The following TENM3 variants were observed in gnomAD, a reference collection of about 807,000 sequenced individuals.
TENM3 encodes the protein teneurin-3.
In TENM3, 63 loss-of-function variants were observed where a neutral mutation model predicts 255.1. The ratio of observed to expected loss-of-function variants is 0.25; its 90% confidence interval spans 0.20 to 0.30. The LOEUF is 0.30. Among genes scored for constraint, TENM3 ranks in the 10% least tolerant of loss-of-function variants. The pLI is 1.00. For synonymous variants in TENM3, 1,306 were observed against 1,322.3 expected (o/e 0.99, Z 0.27); for missense variants, 2,929 against 3,461.1 (o/e 0.85, Z 3.86).
At chr4:181,920,378 C>A in the TENM3 span, among the ~76,000 whole-genome samples, 2 of 151,920 alleles carry the variant, frequency 1.3e-5, no homozygotes, top group Non-Finnish European at 2.9e-5. Flanking sequence ...TATTTCTCCA[C>A]ATCCTCTCCA....
intron 3 of TENM3, among the ~76,000 whole-genome samples, chr4:182,521,531 A>T (rs1025255018): frequency 1.3e-5 from 2 of 152,220 alleles, no homozygotes; most frequent in Admixed American, 6.5e-5. Context: ...AATCTCCAGC[A>T]GGGAGATAAA....
chr4:182,614,402 AG>A, intron 4 of TENM3, among the ~76,000 whole-genome samples: 2 of 152,240 alleles, frequency 1.3e-5, no homozygotes, highest in South Asian at 4.2e-4. Context: ...TGCCTTTCCT[AG>A]AATCATCCTT....
the TENM3 span, among the ~76,000 whole-genome samples, chr4:182,051,406 C>A: frequency 7.3e-4 from 93 of 128,196 alleles, 2 homozygotes; most frequent in African/African-American, 2.6e-3. Flanking sequence ...GAGATGGAGT[C>A]TTGCTCTTTC....
At chr4:181,910,351 G>A in the TENM3 span, among the ~76,000 whole-genome samples, 1 of 151,772 alleles carries the variant, frequency 6.6e-6, no homozygotes, top group African/African-American at 2.4e-5. Context: ...CAGATCACGA[G>A]GTCAGGAGTT....
At chr4:182,661,292 C>G (rs1754207718) in intron 6 of TENM3, among the ~76,000 whole-genome samples, 1 of 145,726 alleles carries the variant, frequency 6.9e-6, no homozygotes, top group African/African-American at 2.5e-5. Context: ...GCTCCACCAC[C>G]TGGGTTCATG....
chr4:181,880,911 C>T, the TENM3 span, among the ~76,000 whole-genome samples: 1 of 152,132 alleles, frequency 6.6e-6, no homozygotes, highest in Non-Finnish European at 1.5e-5. Context: ...TAATAGAGGT[C>T]AGATCAGTTC....
chr4:182,620,971 G>A (rs1750069884), intron 4 of TENM3, among the ~76,000 whole-genome samples: 1 of 152,172 alleles, frequency 6.6e-6, no homozygotes, highest in South Asian at 2.1e-4. Flanking sequence ...CCTGAGGTCA[G>A]GAGATCGAGA....
At chr4:181,505,055 C>T in the TENM3 span, among the ~76,000 whole-genome samples, 4 of 152,278 alleles carry the variant, frequency 2.6e-5, no homozygotes, top group Admixed American at 2.0e-4. Flanking sequence ...GGCATAGCAG[C>T]GGTGCCTTGT....
At chr4:181,877,490 T>C in the TENM3 span, among the ~76,000 whole-genome samples, 2 of 152,148 alleles carry the variant, frequency 1.3e-5, no homozygotes, top group Non-Finnish European at 2.9e-5. Flanking sequence ...TTATATTTAG[T>C]TTTACCTCTT....
intron 5 of TENM3, among the ~76,000 whole-genome samples, chr4:182,649,183 C>T (rs1753032413): frequency 7.3e-6 from 1 of 136,744 alleles, no homozygotes; most frequent in Non-Finnish European, 1.7e-5. Flanking sequence ...AGACAACCAA[C>T]TTAAAAATTG....
At chr4:182,133,695 C>T in the TENM3 span, among the ~76,000 whole-genome samples, 1 of 152,088 alleles carries the variant, frequency 6.6e-6, no homozygotes, top group Admixed American at 6.6e-5. Context: ...GAATTTTCAG[C>T]TGGAATTTCT....
the TENM3 span, among the ~76,000 whole-genome samples, chr4:181,852,741 A>T: frequency 6.6e-6 from 1 of 152,240 alleles, no homozygotes; most frequent in Non-Finnish European, 1.5e-5. Flanking sequence ...AGCATTACAC[A>T]TATCATCTCA....
chr4:182,007,714 C>T, the TENM3 span, among the ~76,000 whole-genome samples: 31 of 152,206 alleles, frequency 2.0e-4, no homozygotes, highest in East Asian at 5.8e-3. Flanking sequence ...GGGCATTTAG[C>T]CCATTTACAT....
At chr4:182,439,912 C>T (rs1458265553) in intron 3 of TENM3, among the ~76,000 whole-genome samples, 1 of 152,102 alleles carries the variant, frequency 6.6e-6, no homozygotes, top group Non-Finnish European at 1.5e-5. Flanking sequence ...CTTCTGTCTC[C>T]CCATTGGGTG....
the TENM3 span, among the ~76,000 whole-genome samples, chr4:181,534,402 G>A: frequency 6.6e-6 from 1 of 152,072 alleles, no homozygotes; most frequent in Non-Finnish European, 1.5e-5. Context: ...TTTAAACTAA[G>A]ACATTTTAGT....
At chr4:181,742,234 A>G in the TENM3 span, among the ~76,000 whole-genome samples, 2 of 152,158 alleles carry the variant, frequency 1.3e-5, no homozygotes, top group African/African-American at 4.8e-5. Context: ...TGCCAATATA[A>G]TTTGTGTTGT....
Position 182,799,956 on chromosome 4 carries a change from A to C in TENM3, c.7705A>C (p.Lys2569Gln). The C allele has an allele frequency of 6.3e-7, 1 of 1,592,800 alleles. No homozygotes were observed. Among genetic ancestry groups the C allele is most frequent in the South Asian group, 1.1e-5 (1 of 87,814 alleles). The change falls in exon 28 of 28, where the codon AAG becomes CAG. Residue 2569 changes from lysine to glutamine, a missense_variant. By Grantham distance (53) the Lys-to-Gln change is moderately conservative (BLOSUM62 1). Around this residue, in one of 6 missense-constraint regions of TENM3, gnomAD observed 476 missense variants for 480.1 expected, o/e 0.99. Transcript: ENST00000511685. The surrounding 1 kb of genome is among the most constrained non-coding windows in gnomAD (Gnocchi z 4.2). ...CACGCTGCGGTTGACCAGCGGCCGCAAGGCGCTGGAGAACGGCATCAACGT... is the reference window on the plus strand; with the variant it reads ...CACGCTGCGGTTGACCAGCGGCCGCCAGGCGCTGGAGAACGGCATCAACGT... ...LGTLRLTSGR[K>Q]ALENGINVTV...
the TENM3 span, among the ~76,000 whole-genome samples, chr4:181,535,482 C>A: frequency 8.5e-5 from 13 of 152,166 alleles, no homozygotes; most frequent in Non-Finnish European, 1.5e-5. Flanking sequence ...TTGGCCCCTA[C>A]AGTCTCTCCT....
chr4:182,013,353 G>T, the TENM3 span, among the ~76,000 whole-genome samples: 12 of 152,208 alleles, frequency 7.9e-5, no homozygotes, highest in Non-Finnish European at 1.5e-4. Context: ...TTTTCCAAAT[G>T]AGTTTCCTTG....
Sources: gnomAD v4.1 joint callset for allele counts (sites outside exome capture counted in the v4.1 genomes callset) on GRCh38, gnomAD v4.1.1 for gene constraint, gnomAD v4.1.1 regional missense constraint, Gnocchi (gnomAD v3.1) non-coding constraint, MANE v1.5 for transcripts, NCBI Gene and HGNC (gene_info 2026-07-23, HGNC 2026-07-21) for gene names.